Variants in PCDHA3 observed in about 807,000 individuals in gnomAD.
PCDHA3 encodes the protein protocadherin alpha-3.
Under a neutral mutation model 62.2 loss-of-function variants are expected in PCDHA3, and 41 were observed. The ratio of observed to expected loss-of-function variants is 0.66; its 90% CI spans 0.51 to 0.86. The LOEUF (loss-of-function observed/expected upper bound fraction) is 0.86. PCDHA3 is among the 40% of genes least tolerant of loss of function. The pLI, the probability that PCDHA3 is intolerant of heterozygous loss-of-function variation, is 0.00. For synonymous variants in PCDHA3, 640 were observed against 555.4 expected, an observed-to-expected ratio of 1.15 and a Z score of -2.14; for missense variants, 1,304 against 1,241.2, an observed-to-expected ratio of 1.05 and a Z score of -0.76.
chr5:140,841,624 G>C, intron 1 of PCDHA3: 1 of 1,614,152 alleles, frequency 6.2e-7, no homozygotes, highest in Non-Finnish European at 8.5e-7. Flanking sequence ...GGAGCGCGGA[G>C]TGCAGCATCC....
intron 1 of PCDHA3, chr5:140,836,034 C>T (rs2150251193): frequency 1.2e-6 from 2 of 1,613,480 alleles, no homozygotes; most frequent in Non-Finnish European, 1.7e-6. Context: ...CAACGTGACG[C>T]TGCAGGTGTT....
intron 1 of PCDHA3, chr5:140,882,237 T>C (rs2059015707): frequency 8.2e-6 from 13 of 1,582,128 alleles, no homozygotes; most frequent in Non-Finnish European, 1.1e-5. Context: ...TTGTATATAT[T>C]GCAGATAGCT....
chr5:140,884,217 T>A (rs782181432), intron 1 of PCDHA3: 4 of 1,613,448 alleles, frequency 2.5e-6, no homozygotes, highest in Non-Finnish European at 3.4e-6. Flanking sequence ...CTTCTGGTGC[T>A]GGTGAAGGAC....
At chr5:140,813,432 C>T (rs2126646419) in intron 1 of PCDHA3, 3 of 152,172 alleles carry the variant, frequency 2.0e-5, no homozygotes, top group Non-Finnish European at 2.9e-5. Flanking sequence ...GTACTGAATA[C>T]TATAGGGAAT....
chr5:140,930,654 C>T (rs1229167848), intron 1 of PCDHA3, among the ~76,000 whole-genome samples: 1 of 152,106 alleles, frequency 6.6e-6, no homozygotes, highest in Non-Finnish European at 1.5e-5. Context: ...ATGAAGCATT[C>T]CTTGTTTTAC....
chr5:140,903,402 G>T (rs1293264385), intron 1 of PCDHA3, among the ~76,000 whole-genome samples: 6 of 152,192 alleles, frequency 3.9e-5, no homozygotes, highest in Non-Finnish European at 5.9e-5. Context: ...AAACAGTAGT[G>T]CAGTCAGGAA....
At chr5:140,982,713 A>G (rs2096998735) in intron 3 of PCDHA3, 150 bp downstream of exon 3, 2 of 1,373,774 alleles carry the variant, frequency 1.5e-6, no homozygotes, top group African/African-American at 1.5e-5. Flanking sequence ...CCTTACATAT[A>G]TGATTATTTT....
intron 1 of PCDHA3, chr5:140,968,038 C>T (rs1554230238): frequency 8.7e-6 from 14 of 1,614,148 alleles, no homozygotes; most frequent in East Asian, 2.2e-5. Flanking sequence ...TGGTGGTGAG[C>T]GGCCCACTGG....
intron 1 of PCDHA3, chr5:140,928,743 G>C: frequency 6.2e-7 from 1 of 1,614,138 alleles, no homozygotes; most frequent in Non-Finnish European, 8.5e-7. Context: ...ATATAGGTGA[G>C]CTCCGTACTG....
chr5:140,906,930 G>A (rs1006674722), intron 1 of PCDHA3, among the ~76,000 whole-genome samples: 3 of 152,246 alleles, frequency 2.0e-5, no homozygotes, highest in Non-Finnish European at 4.4e-5. Flanking sequence ...AAAGTGTCCC[G>A]GTGTCAATCT....
chr5:140,812,020 A>G (rs1295694653), intron 1 of PCDHA3: 3 of 150,728 alleles, frequency 2.0e-5, no homozygotes, highest in Non-Finnish European at 4.4e-5. Context: ...TTGGACTTTT[A>G]AAATGAGTTT....
intron 1 of PCDHA3, among the ~76,000 whole-genome samples, chr5:140,922,855 A>C (rs1216713034): frequency 6.6e-6 from 1 of 152,246 alleles, no homozygotes; most frequent in Non-Finnish European, 1.5e-5. Context: ...GACCAAATAC[A>C]TAGACAAGGG....
intron 3 of PCDHA3, among the ~76,000 whole-genome samples, chr5:140,991,807 C>T (rs782693963): frequency 4.6e-5 from 7 of 152,278 alleles, no homozygotes; most frequent in Admixed American, 6.5e-5. Context: ...AGGCCACTTC[C>T]GCATTTTTAG....
intron 1 of PCDHA3, chr5:140,829,680 T>G: frequency 6.2e-7 from 1 of 1,613,216 alleles, no homozygotes; most frequent in Non-Finnish European, 8.5e-7. Flanking sequence ...GAGCTAGAGC[T>G]GCTGCAGTTT....
chr5:140,969,260 C>T (rs782595245), intron 1 of PCDHA3: 11 of 1,614,110 alleles, frequency 6.8e-6, no homozygotes, highest in Non-Finnish European at 6.8e-6. Flanking sequence ...CAGCAGGAAT[C>T]TCACAGGCCA....
At chr5:140,883,682 T>G (rs2059750474) in intron 1 of PCDHA3, 1 of 1,613,604 alleles carries the variant, frequency 6.2e-7, no homozygotes. Context: ...TCCGCCGGGC[T>G]GCCACATCTT....
Position 140,805,155 on chromosome 5 carries a change from C to T in PCDHA3, c.2394+1564C>T, listed in dbSNP as rs554509196. Reference sequence around the variant, plus strand: ...CATTTTGAAGACTTTGGAATTTTCACTTCACAGATGTACTGATGCTATGCC... The same window carrying T: ...CATTTTGAAGACTTTGGAATTTTCATTTCACAGATGTACTGATGCTATGCC... On this transcript the variant is annotated intron_variant, in intron 1 of 3. Coordinates refer to ENST00000522353, the MANE Select transcript of PCDHA3 (RefSeq NM_018906.3). The T allele has an allele frequency of 1.9e-5, 30 of 1,558,348 alleles. No homozygotes were observed. The African/African-American group carries it at 3.4e-4, about 17-fold the overall frequency.
chr5:140,984,419 T>C (rs564096734), intron 3 of PCDHA3, among the ~76,000 whole-genome samples: 5 of 152,290 alleles, frequency 3.3e-5, no homozygotes, highest in African/African-American at 9.6e-5. Context: ...TTTACAGAGA[T>C]AGAGAAGGGG....
intron 1 of PCDHA3, among the ~76,000 whole-genome samples, chr5:140,952,513 A>G (rs533436826): frequency 6.6e-6 from 1 of 152,028 alleles, no homozygotes; most frequent in Non-Finnish European, 1.5e-5. Flanking sequence ...CCTCATCTCC[A>G]TCTGAGACCT....
Sources: allele counts gnomAD v4.1 joint callset (sites outside exome capture counted in the v4.1 genomes callset), GRCh38; gene constraint gnomAD v4.1.1; transcripts MANE v1.5; gene names NCBI Gene and HGNC (gene_info 2026-07-23, HGNC 2026-07-21).